The following PCDH15 variants were observed in gnomAD, a reference collection of about 807,000 sequenced individuals.
PCDH15 encodes protocadherin-15.
In PCDH15, 129 loss-of-function variants were observed where a neutral mutation model predicts 178.5. That is an observed-to-expected ratio of 0.72 (90% CI 0.63 to 0.84). The LOEUF is 0.84. Ranked by LOEUF, PCDH15 falls within the 40% of genes least tolerant of loss-of-function variation. The pLI is 0.00. For missense variants in PCDH15, 2,230 were observed against 2,099.9 expected, an observed-to-expected ratio of 1.06 and a Z score of -1.21; for synonymous variants, 800 against 732.0, an observed-to-expected ratio of 1.09 and a Z score of -1.50.
chr10:54,497,513 C>T (rs970128458), intron 3 of PCDH15, among the ~76,000 whole-genome samples: 2 of 152,010 alleles, frequency 1.3e-5, no homozygotes, highest in African/African-American at 4.8e-5. Flanking sequence ...CAGGAAGATA[C>T]AGGAGAAGGT....
At chr10:54,681,269 C>T (rs954137803) in intron 1 of PCDH15, among the ~76,000 whole-genome samples, 3 of 152,056 alleles carry the variant, frequency 2.0e-5, no homozygotes, top group Non-Finnish European at 4.4e-5. Context: ...ATTAAACTAC[C>T]AAATACAGAT....
chr10:55,574,962 T>G (rs1324311193), intron 2 of PCDH15, among the ~76,000 whole-genome samples: 2 of 152,114 alleles, frequency 1.3e-5, no homozygotes, highest in East Asian at 3.9e-4. Context: ...AACATAGTTA[T>G]CTCTATATAT....
intron 2 of PCDH15, among the ~76,000 whole-genome samples, chr10:55,155,487 G>GAAAAAA (rs1432668590): frequency 5.0e-5 from 1 of 20,164 alleles, no homozygotes; most frequent in African/African-American, 1.8e-4. Context: ...GGCAACCAAT[G>GAAAAAA]CAAAAAAAAA....
At chr10:54,293,863 GT>G (rs2059579888) in intron 8 of PCDH15, among the ~76,000 whole-genome samples, 1 of 152,182 alleles carries the variant, frequency 6.6e-6, no homozygotes, top group Non-Finnish European at 1.5e-5. Flanking sequence ...CTTTTACACT[GT>G]TGGTGGGAGT....
intron 2 of PCDH15, among the ~76,000 whole-genome samples, chr10:55,152,899 G>A (rs2589433): frequency 0.9 from 137,169 of 151,934 alleles, 62,587 homozygotes; most frequent in Non-Finnish European, 0.97. Context: ...CAATAATTAT[G>A]TAAATTACAT....
intron 1 of PCDH15, among the ~76,000 whole-genome samples, chr10:54,724,075 A>G (rs1942086745): frequency 6.6e-6 from 1 of 151,788 alleles, no homozygotes; most frequent in South Asian, 2.1e-4. Flanking sequence ...TGTAGGAAAA[A>G]GGCATCTGCA....
At chr10:54,930,117 C>T (rs1207168376) in intron 2 of PCDH15, among the ~76,000 whole-genome samples, 3 of 152,174 alleles carry the variant, frequency 2.0e-5, no homozygotes, top group Non-Finnish European at 4.4e-5. Context: ...AACATGACAT[C>T]TCCATCTTTC....
intron 1 of PCDH15, among the ~76,000 whole-genome samples, chr10:55,221,645 T>C (rs1229718509): frequency 1.3e-5 from 2 of 152,046 alleles, no homozygotes; most frequent in African/African-American, 2.4e-5. Flanking sequence ...GCTCCAGAAT[T>C]AATTTCAAGT....
intron 2 of PCDH15, among the ~76,000 whole-genome samples, chr10:55,067,546 T>G (rs992100967): frequency 1.3e-5 from 2 of 152,020 alleles, no homozygotes; most frequent in Non-Finnish European, 2.9e-5. Flanking sequence ...AATATGTGAG[T>G]GCAGGTTTCT....
intron 1 of PCDH15, among the ~76,000 whole-genome samples, chr10:55,222,730 C>CACACACATAT: frequency 7.4e-4 from 90 of 121,204 alleles, no homozygotes; most frequent in East Asian, 1.4e-3. Context: ...CACACACACA[C>CACACACATAT]ATATATATAT....
At chr10:55,149,070 C>G (rs1838610389) in intron 2 of PCDH15, among the ~76,000 whole-genome samples, 1 of 150,978 alleles carries the variant, frequency 6.6e-6, no homozygotes, top group South Asian at 2.1e-4. Context: ...ATCTCAAAGA[C>G]TAGAAATGAT....
chr10:54,504,512 A>T (rs913277033), intron 3 of PCDH15, among the ~76,000 whole-genome samples: 1 of 152,082 alleles, frequency 6.6e-6, no homozygotes, highest in Non-Finnish European at 1.5e-5. Context: ...CTTTATTGTC[A>T]TCTTCACAAA....
chr10:55,581,306 A>T (rs1842609304), intron 2 of PCDH15, among the ~76,000 whole-genome samples: 1 of 152,080 alleles, frequency 6.6e-6, no homozygotes, highest in South Asian at 2.1e-4. Flanking sequence ...TAAATAAAAT[A>T]TATAACAGAA....
chr10:55,189,915 A>G (rs1009759667), intron 1 of PCDH15, among the ~76,000 whole-genome samples: 17 of 151,876 alleles, frequency 1.1e-4, no homozygotes, highest in Non-Finnish European at 5.9e-5. Flanking sequence ...TTAATACAAT[A>G]TGCATGATAC....
At chr10:54,762,605 C>T (rs1028471368) in intron 1 of PCDH15, among the ~76,000 whole-genome samples, 8 of 152,042 alleles carry the variant, frequency 5.3e-5, no homozygotes, top group Non-Finnish European at 1.0e-4. Flanking sequence ...TACTTCAAAA[C>T]CCCAAAATAT....
chr10:54,678,404 G>A (rs564049675), intron 1 of PCDH15, among the ~76,000 whole-genome samples: 1 of 152,204 alleles, frequency 6.6e-6, no homozygotes, highest in African/African-American at 2.4e-5. Context: ...GAGTTTGAGG[G>A]ATGGTGTTAG....
chr10:53,910,172 T>C (rs886705446), intron 25 of PCDH15, among the ~76,000 whole-genome samples: 1 of 152,156 alleles, frequency 6.6e-6, no homozygotes, highest in African/African-American at 2.4e-5. Flanking sequence ...CAGCACGGTA[T>C]TTGAGCTCTG....
chr10:55,021,052 C>T (rs1341457376), intron 2 of PCDH15, among the ~76,000 whole-genome samples: 1 of 152,122 alleles, frequency 6.6e-6, no homozygotes, highest in Non-Finnish European at 1.5e-5. Flanking sequence ...TTGGAGCTCT[C>T]AAAATCATCT....
intron 2 of PCDH15, among the ~76,000 whole-genome samples, chr10:54,538,795 A>C (rs1276677117): frequency 1.3e-5 from 2 of 152,160 alleles, no homozygotes; most frequent in African/African-American, 4.8e-5. Context: ...CTTCCTGTAC[A>C]GCCTGTGGAA....
Sources: allele counts gnomAD v4.1 joint callset (sites outside exome capture counted in the v4.1 genomes callset), GRCh38; gene constraint gnomAD v4.1.1; transcripts MANE v1.5; gene names NCBI Gene and HGNC (gene_info 2026-07-23, HGNC 2026-07-21).